The following ZNF808 variants were observed in gnomAD, a reference collection of about 807,000 sequenced individuals.
ZNF808 encodes the protein zinc finger protein 808.
Under a neutral mutation model 8.7 loss-of-function variants are expected in ZNF808, and 5 were observed. That is an observed-to-expected ratio of 0.58 (90% CI 0.30 to 1.21). The LOEUF is 1.21. ZNF808 is among the 50% of genes most tolerant of loss of function. The pLI is 0.07. For missense variants in ZNF808, 1,103 were observed against 1,098.4 expected, an observed-to-expected ratio of 1.00 and a Z score of -0.06; for synonymous variants, 380 against 366.0, an observed-to-expected ratio of 1.04 and a Z score of -0.44.
chr19:52,530,378 G>A (rs1008736873), intron 1 of ZNF808, among the ~76,000 whole-genome samples: 3 of 151,998 alleles, frequency 2.0e-5, no homozygotes, highest in African/African-American at 7.2e-5. Context: ...TTTTTAAAAG[G>A]GACATCAAGG....
At position 52,555,818 on chromosome 19, in the gene ZNF808, T is replaced by C; in HGVS notation, c.*190T>C. ...CAAATGTCATGATTGAGGCAAGGTC[T>C]TCAGTCAAGCTTCATCCTATGCAAA... is the stretch of plus-strand genomic sequence containing the variant. On this transcript the variant is annotated 3_prime_UTR_variant, in exon 5 of 5. Transcript: ENST00000359798. 2.3e-6 allele frequency: 2 copies of C among 887,438 alleles called. No individual in the cohort carries two copies. Among genetic ancestry groups the C allele is most frequent in the Non-Finnish European group, 3.7e-6 (2 of 541,484 alleles). 55.0% of individuals were successfully genotyped at this position (887,438 alleles called of 1,614,324 possible). A position where few individuals can be genotyped will look rare whatever the true frequency, so the allele number is the denominator to read the frequency against.
chr19:52,529,916 T>A (rs1011429016), intron 1 of ZNF808, among the ~76,000 whole-genome samples: 1 of 146,626 alleles, frequency 6.8e-6, no homozygotes, highest in Non-Finnish European at 1.5e-5. Flanking sequence ...TATATATTTT[T>A]TTTTTTTGTA....
Position 52,553,953 on chromosome 19 carries a change from A to T in ZNF808, c.1037A>T (p.Asn346Ile). ...ACTGGAGAGAAACCTTACAAGTGTA[A>T]TGAATGTGGCAAGGCTTTTAATCAA... ...IHTGEKPYKCNECGKAFNQQS... is the reference protein window; with the variant it reads ...IHTGEKPYKCIECGKAFNQQS... The change falls in exon 5 of 5, where the codon AAT (asparagine) becomes ATT (isoleucine). Residue 346 changes from asparagine (N) to isoleucine (I), a missense_variant. Coordinates refer to ENST00000359798, the MANE Select transcript of ZNF808 (RefSeq NM_001039886.4). The T allele has an allele frequency of 1.9e-6, 3 of 1,614,174 alleles. No homozygotes were observed. The highest frequency in any genetic ancestry group is 2.5e-6 in the Non-Finnish European group (3 of 1,180,028).
chr19:52,559,121 C>G (rs978238246), downstream of ZNF808, among the ~76,000 whole-genome samples: 7 of 152,122 alleles, frequency 4.6e-5, no homozygotes, highest in East Asian at 3.9e-4. Context: ...CGTAAAGGGT[C>G]TGTGCTGAGG....
chr19:52,557,647 T>C (rs1047594391), downstream of ZNF808, among the ~76,000 whole-genome samples: 4 of 152,242 alleles, frequency 2.6e-5, no homozygotes, highest in Non-Finnish European at 4.4e-5. Flanking sequence ...TCAAGGTCAA[T>C]AGCTGTGTGT....
intron 3 of ZNF808, among the ~76,000 whole-genome samples, chr19:52,561,632 C>G (rs2059858650): frequency 6.6e-6 from 1 of 151,892 alleles, no homozygotes; most frequent in Non-Finnish European, 1.5e-5. Context: ...ACCGCAACCT[C>G]TGCCTCCCAG....
chr19:52,548,767 T>C (rs1447615464), intron 4 of ZNF808, among the ~76,000 whole-genome samples: 2 of 152,270 alleles, frequency 1.3e-5, no homozygotes, highest in Non-Finnish European at 2.9e-5. Context: ...CCATTGTATG[T>C]GTATACCACA....
intron 2 of ZNF808, among the ~76,000 whole-genome samples, chr19:52,542,218 C>T (rs1225939115): frequency 1.3e-5 from 2 of 151,918 alleles, no homozygotes; most frequent in African/African-American, 4.8e-5. Context: ...GTCAGACACC[C>T]GAGTAGCTGG....
At chr19:52,546,852 C>G (rs923026687) in intron 3 of ZNF808, among the ~76,000 whole-genome samples, 1 of 151,278 alleles carries the variant, frequency 6.6e-6, no homozygotes, top group African/African-American at 2.4e-5. Flanking sequence ...CCATGTTGGC[C>G]AGGAAGGTCT....
intron 2 of ZNF808, chr19:52,536,041 C>A (rs1269246303): frequency 6.0e-6 from 1 of 166,346 alleles, no homozygotes; most frequent in Non-Finnish European, 1.3e-5. Context: ...GGTCGTACCG[C>A]GGCGCGTGAG....
chr19:52,541,338 G>T (rs2059668709), intron 2 of ZNF808, among the ~76,000 whole-genome samples: 1 of 151,286 alleles, frequency 6.6e-6, no homozygotes, highest in African/African-American at 2.4e-5. Flanking sequence ...TAGATATCTA[G>T]TTAGGTATTA....
chr19:52,561,118 C>G (rs1406394793), downstream of ZNF808, among the ~76,000 whole-genome samples: 1 of 139,450 alleles, frequency 7.2e-6, no homozygotes, highest in Non-Finnish European at 1.6e-5. Context: ...GCTTGTGTCC[C>G]AGCTCAGCCC....
At chr19:52,561,751 TAGTC>T (rs1021501361) in intron 3 of ZNF808, among the ~76,000 whole-genome samples, 31 of 152,164 alleles carry the variant, frequency 2.0e-4, no homozygotes, top group Middle Eastern at 3.4e-3. Flanking sequence ...TTTTCCATGT[TAGTC>T]AGACTGCTCT....
At chr19:52,541,799 G>A (rs993846459) in intron 2 of ZNF808, among the ~76,000 whole-genome samples, 1 of 151,968 alleles carries the variant, frequency 6.6e-6, no homozygotes, top group Non-Finnish European at 1.5e-5. Flanking sequence ...CCCTGCAGGC[G>A]TCGCCCCTGA....
At chr19:52,546,541 C>T (rs1224972126) in intron 3 of ZNF808, among the ~76,000 whole-genome samples, 2 of 151,808 alleles carry the variant, frequency 1.3e-5, no homozygotes, top group Admixed American at 6.6e-5. Flanking sequence ...ACTCTGTCCT[C>T]TCTGAAACAC....
chr19:52,531,765 G>GT (rs11421860), intron 1 of ZNF808, among the ~76,000 whole-genome samples: 152,284 of 152,284 alleles, frequency 1, 76,142 homozygotes, highest in Non-Finnish European at 1. Context: ...TTTACACACA[G>GT]TAACTAGATA....
chr19:52,549,512 C>T (rs1347094264), intron 4 of ZNF808, among the ~76,000 whole-genome samples: 2 of 152,158 alleles, frequency 1.3e-5, no homozygotes, highest in Non-Finnish European at 2.9e-5. Context: ...TTTTGGATCT[C>T]TTTCATTCTT....
At chr19:52,559,150 A>G (rs555120222), downstream of ZNF808, among the ~76,000 whole-genome samples, 1 of 151,954 alleles carries the variant, frequency 6.6e-6, no homozygotes, top group Non-Finnish European at 1.5e-5. Context: ...TAAAAGAGGA[A>G]GGCCTCTTTG....
chr19:52,535,689 G>A (rs192962857), intron 2 of ZNF808, among the ~76,000 whole-genome samples: 1 of 152,350 alleles, frequency 6.6e-6, no homozygotes, highest in East Asian at 1.9e-4. Flanking sequence ...TGTTCTGTGG[G>A]CCATCAGCAT....
Sources: allele counts gnomAD v4.1 joint callset (sites outside exome capture counted in the v4.1 genomes callset), GRCh38; gene constraint gnomAD v4.1.1; transcripts MANE v1.5; gene names NCBI Gene and HGNC (gene_info 2026-07-23, HGNC 2026-07-21).